Variants in CRHR2 observed in about 807,000 individuals in gnomAD.
CRHR2 encodes the protein corticotropin-releasing hormone receptor 2.
A neutral mutation model predicts 57.9 loss-of-function variants in CRHR2; 53 were observed. That is an observed-to-expected ratio of 0.92 (90% CI 0.73 to 1.15). The LOEUF is 1.15. Among genes scored for constraint, CRHR2 ranks in the 50% most tolerant of loss-of-function variants. The pLI is 0.00. For missense variants in CRHR2, 532 were observed against 542.6 expected (o/e 0.98, Z 0.19); for synonymous variants, 213 against 220.9 (o/e 0.96, Z 0.32).
upstream of CRHR2, among the ~76,000 whole-genome samples, chr7:30,685,562 CAG>C (rs544584137): frequency 1.1e-4 from 16 of 152,188 alleles, 1 homozygote; most frequent in South Asian, 2.7e-3. Context: ...GCACTGGAGA[CAG>C]GGGTCCCAGG....
chr7:30,665,734 T>G lies in CRHR2; in HGVS notation c.316-95A>C. 9.6e-7 allele frequency: 1 copy of G among 1,042,936 alleles called. No individual in the cohort carries two copies. Among genetic ancestry groups the G allele is most frequent in the Non-Finnish European group, 1.4e-6 (1 of 701,510 alleles). The allele number at this position is 1,042,936 out of a possible 1,614,324, so 64.6% of individuals were successfully genotyped here. ...CGTGGCCACCTCTGTGTCCTGACCT[T>G]GGGGGCAGAAGTGCTCCAGGTGTCA... On this transcript the variant is annotated intron_variant, in intron 3 of 11. Transcript: ENST00000471646. This position sits in a 1 kb window ranked among gnomAD's most constrained non-coding sequence, Gnocchi z 4.5.
intron 2 of CRHR2, among the ~76,000 whole-genome samples, chr7:30,679,359 T>G (rs1330614142): frequency 6.6e-6 from 1 of 152,234 alleles, no homozygotes; most frequent in Non-Finnish European, 1.5e-5. Context: ...AGGAGCTGAT[T>G]AGGACTTTCA....
intron 2 of CRHR2, among the ~76,000 whole-genome samples, chr7:30,671,638 A>T (rs971200604): frequency 3.7e-5 from 2 of 54,672 alleles, no homozygotes; most frequent in Non-Finnish European, 6.2e-5. Context: ...CATCTCTCAA[A>T]AAAAAAAAAA....
chr7:30,688,257 AC>A (rs1784893376), intron 2 of CRHR2, among the ~76,000 whole-genome samples: 1 of 152,158 alleles, frequency 6.6e-6, no homozygotes, highest in Admixed American at 6.5e-5. Context: ...GGAGGAACCA[AC>A]CCTGCCCACA....
chr7:30,655,987 A>AT lies in CRHR2; in HGVS notation c.856dup (p.Ile286AsnfsTer205). The stretch of plus-strand genomic sequence containing the variant: ...TAACTTTGTCATTAGGATCCTGACG[A>AT]TGTTGAACAGAAATACGAAATTGAT... On this transcript the variant is annotated frameshift_variant, in exon 9 of 12. Coordinates refer to ENST00000471646, the MANE Select transcript of CRHR2 (RefSeq NM_001883.5). LOFTEE classifies it high-confidence loss of function. 6.3e-7 allele frequency: 1 copy of AT among 1,580,690 alleles called. No homozygotes were observed. Among genetic ancestry groups the AT allele is most frequent in the Non-Finnish European group, 8.6e-7 (1 of 1,157,382 alleles).
At chr7:30,699,894 C>T in intron 1 of CRHR2, 1 of 1,426,932 alleles carries the variant, frequency 7.0e-7, no homozygotes, top group Non-Finnish European at 9.3e-7. Context: ...GAGCTGGGAG[C>T]TCCGTGCTCC....
chr7:30,671,793 T>G (rs1490380839), intron 2 of CRHR2, among the ~76,000 whole-genome samples: 1 of 147,896 alleles, frequency 6.8e-6, no homozygotes, highest in African/African-American at 2.5e-5. Context: ...GGTGACAGAG[T>G]GAGACCCTGT....
In CRHR2 at chr7:30,653,605, G is replaced by A. The variant is rs754657829; in HGVS notation, c.1096-5C>T. 6.2e-7 allele frequency: 1 copy of A among 1,606,842 alleles called. No homozygotes were observed. Among genetic ancestry groups the A allele is most frequent in the Admixed American group, 1.7e-5 (1 of 59,828 alleles). ...CTTCCTCACGGCTGAGCGCACCTGTGGGGAAGGCAGAGGCTCAGCTGGCTC... is the reference window on the plus strand; with the variant it reads ...CTTCCTCACGGCTGAGCGCACCTGTAGGGAAGGCAGAGGCTCAGCTGGCTC... On this transcript the variant is annotated splice_polypyrimidine_tract_variant and splice_region_variant and intron_variant, in intron 11 of 11. Transcript: ENST00000471646. The surrounding 1 kb of genome is among the most constrained non-coding windows in gnomAD (Gnocchi z 5.0).
intron 2 of CRHR2, among the ~76,000 whole-genome samples, chr7:30,674,180 T>C (rs954547029): frequency 2.0e-5 from 3 of 152,156 alleles, no homozygotes; most frequent in African/African-American, 7.2e-5. Flanking sequence ...ATAGAGGCAC[T>C]GAGCAGTTTA....
Position 30,665,019 on chromosome 7 carries a change from C to A in CRHR2, c.543+51G>T. The A allele has an allele frequency of 6.7e-7, 1 of 1,493,768 alleles. No individual in the cohort carries two copies. Among genetic ancestry groups the A allele is most frequent in the Non-Finnish European group, 9.3e-7 (1 of 1,070,914 alleles). 92.5% of individuals were successfully genotyped at this position (1,493,768 alleles called of 1,614,324 possible). ...AGACCAGACAGACAGATGGGTGCCCCCGGAGCCCAGAGCCCCCCAGGTATA... is the reference window on the plus strand; with the variant it reads ...AGACCAGACAGACAGATGGGTGCCCACGGAGCCCAGAGCCCCCCAGGTATA... On this transcript the variant is annotated intron_variant, in intron 5 of 11. Transcript: ENST00000471646. The surrounding 1 kb of genome is among the most constrained non-coding windows in gnomAD (Gnocchi z 4.5).
rs752235755 is a variant in CRHR2 at position 30,662,724 on chromosome 7, G to A, written c.667C>T (p.Arg223Cys). Reference protein sequence around the residue: ...IVMTYSTERLRKCLFLFIGWC... With the variant: ...IVMTYSTERLCKCLFLFIGWC... ...CCGATGAAGAGGAAGAGGCACTTGC[G>A]CAGGCGCTCAGTGGAGTAGGTCATG... Residue 223 changes from arginine (R) to cysteine (C), a missense_variant, in exon 6 of 12, where the codon CGC becomes TGC. By Grantham distance (180) the Arg-to-Cys change is radical. Transcript: ENST00000471646. 20 of 1,614,126 alleles carry A rather than the reference G, an allele frequency of 1.2e-5. No individual in the cohort carries two copies. Among genetic ancestry groups the A allele is most frequent in the South Asian group, 6.6e-5 (6 of 91,062 alleles).
At chr7:30,666,717 G>A (rs928205310) in intron 3 of CRHR2, among the ~76,000 whole-genome samples, 1 of 152,254 alleles carries the variant, frequency 6.6e-6, no homozygotes, top group African/African-American at 2.4e-5. Flanking sequence ...ATGAGGCGTA[G>A]CCTCAAGGAG....
upstream of CRHR2, among the ~76,000 whole-genome samples, chr7:30,685,889 T>C (rs6965720): frequency 0.25 from 38,688 of 152,036 alleles, 7,777 homozygotes; most frequent in African/African-American, 0.56. Flanking sequence ...CGCCAACCCA[T>C]TGCCCTTGAG....
rs1013882159 is a variant in CRHR2 at position 30,665,701 on chromosome 7, A to G, written c.316-62T>C. The G allele has an allele frequency of 2.2e-6, 3 of 1,388,344 alleles. No homozygotes were observed. The highest frequency in any genetic ancestry group is 2.0e-6 in the Non-Finnish European group (2 of 1,002,436). The allele number at this position is 1,388,344 out of a possible 1,614,324, so 86.0% of individuals were successfully genotyped here. A position where few individuals can be genotyped will look rare whatever the true frequency, so the allele number is the denominator to read the frequency against. On this transcript the variant is annotated intron_variant, in intron 3 of 11. Coordinates refer to ENST00000471646, the MANE Select transcript of CRHR2 (RefSeq NM_001883.5). The surrounding 1 kb of genome is among the most constrained non-coding windows in gnomAD (Gnocchi z 4.5). ...TGGGCACGTGGGGGTGGGGCTGGGTATTCCAGCCGTGGCCACCTCTGTGTC... is the reference window on the plus strand; with the variant it reads ...TGGGCACGTGGGGGTGGGGCTGGGTGTTCCAGCCGTGGCCACCTCTGTGTC...
chr7:30,658,804 T>C (rs1783884861), intron 8 of CRHR2, among the ~76,000 whole-genome samples: 1 of 152,244 alleles, frequency 6.6e-6, no homozygotes, highest in African/African-American at 2.4e-5. Flanking sequence ...AAGTCAGGCT[T>C]CCTGCAAATT....
At chr7:30,660,199 C>T (rs77657721) in intron 8 of CRHR2, among the ~76,000 whole-genome samples, 1,784 of 152,182 alleles carry the variant, frequency 0.012, 15 homozygotes, top group Non-Finnish European at 0.018. Flanking sequence ...CTGAGGGGAA[C>T]GTAGGTCTGG....
At chr7:30,667,802 A>G (rs1234891762) in intron 2 of CRHR2, among the ~76,000 whole-genome samples, 1 of 152,246 alleles carries the variant, frequency 6.6e-6, no homozygotes, top group Non-Finnish European at 1.5e-5. Flanking sequence ...TGTCAATTCA[A>G]TCTCCACAAC....
intron 1 of CRHR2, among the ~76,000 whole-genome samples, chr7:30,697,686 C>T (rs964138399): frequency 6.6e-6 from 1 of 152,174 alleles, no homozygotes; most frequent in Admixed American, 6.5e-5. Context: ...CTCCCCATGT[C>T]CTCAGATCCC....
In CRHR2 at chr7:30,655,913, A is replaced by G. The variant is rs2128139423; in HGVS notation, c.917+14T>C. ...CCTGTCCCCATTGTGGGGTCAAGGG[A>G]CCCCCTCACATACCTGTACTGGATT... On this transcript the variant is annotated intron_variant, in intron 9 of 11. Transcript: ENST00000471646. 1.9e-6 allele frequency: 3 copies of G among 1,608,716 alleles called. No individual in the cohort carries two copies. The highest frequency in any genetic ancestry group is 4.5e-5 in the East Asian group (2 of 44,690).
Sources: allele counts gnomAD v4.1 joint callset (sites outside exome capture counted in the v4.1 genomes callset), GRCh38; gene constraint gnomAD v4.1.1; non-coding constraint Gnocchi (gnomAD v3.1); transcripts MANE v1.5; gene names NCBI Gene and HGNC (gene_info 2026-07-23, HGNC 2026-07-21).